ALDH1A2: variants seen among roughly 807,000 people sequenced by gnomAD.
ALDH1A2 encodes the protein aldehyde dehydrogenase 1 family member A2, also known as retinal dehydrogenase 2.
ALDH1A2 carries 27 observed loss-of-function variants against 60.3 expected under a neutral mutation model. The ratio of observed to expected loss-of-function variants is 0.45; its 90% CI spans 0.33 to 0.62. ALDH1A2 has a LOEUF of 0.62. ALDH1A2 is among the 20% of genes least tolerant of loss of function. ALDH1A2 has a pLI of 0.02. For synonymous variants in ALDH1A2, 289 were observed against 232.4 expected (o/e 1.24, Z -2.21); for missense variants, 581 against 643.8 (o/e 0.90, Z 1.06).
In ALDH1A2 at chr15:57,992,550, C is replaced by A. The variant is rs35326951; in HGVS notation, c.798+155G>T. Among the ~76,000 whole-genome samples the A allele has an allele frequency of 4.7e-3, 720 of 152,288 alleles. 8 individuals are homozygous for A. Among genetic ancestry groups the A allele is most frequent in the African/African-American group, 0.017 (695 of 41,538 alleles). ...CCCTGTGTGCCTTTGCTTTCACATC[C>A]ACCAGTGTTCTATGACACCAATGTT... is the stretch of plus-strand genomic sequence containing the variant. On this transcript the variant is annotated intron_variant, in intron 7 of 12. Coordinates refer to ENST00000249750, the MANE Select transcript of ALDH1A2 (RefSeq NM_003888.4).
intron 7 of ALDH1A2, among the ~76,000 whole-genome samples, chr15:57,987,991 C>T (rs971772308): frequency 1.3e-5 from 2 of 151,674 alleles, no homozygotes; most frequent in South Asian, 2.1e-4. Context: ...CGTTAAAGAT[C>T]GTTACAGATA....
At chr15:58,028,183 C>G (rs1896130320) in intron 1 of ALDH1A2, among the ~76,000 whole-genome samples, 1 of 152,176 alleles carries the variant, frequency 6.6e-6, no homozygotes, top group African/African-American at 2.4e-5. Context: ...GGAAGCCCAT[C>G]AGACTAACAG....
chr15:57,966,082 T>C (rs554584984), intron 7 of ALDH1A2, among the ~76,000 whole-genome samples: 1 of 152,206 alleles, frequency 6.6e-6, no homozygotes, highest in Non-Finnish European at 1.5e-5. Context: ...AAATCTGGAA[T>C]CTTAATCACT....
At chr15:57,963,761 T>TGGTGGAGAATA in intron 9 of ALDH1A2, 124 bp downstream of exon 9, 1 of 950,996 alleles carries the variant, frequency 1.1e-6, no homozygotes, top group Non-Finnish European at 1.6e-6. Flanking sequence ...CACGAAGACA[T>TGGTGGAGAATA]GGTGGAGAAT....
At chr15:57,994,616 G>A (rs1053907603) in intron 5 of ALDH1A2, among the ~76,000 whole-genome samples, 19 of 152,122 alleles carry the variant, frequency 1.2e-4, no homozygotes, top group Non-Finnish European at 2.2e-4. Flanking sequence ...TGACTGTGAC[G>A]TTAACTGTAG....
chr15:58,040,368 CAGAT>C (rs1896486546), intron 1 of ALDH1A2, among the ~76,000 whole-genome samples: 2 of 152,030 alleles, frequency 1.3e-5, no homozygotes, highest in South Asian at 4.1e-4. Flanking sequence ...AACCTGCAGA[CAGAT>C]AATCTAGGGA....
At chr15:58,055,499 C>G (rs1219925289) in intron 1 of ALDH1A2, among the ~76,000 whole-genome samples, 1 of 151,564 alleles carries the variant, frequency 6.6e-6, no homozygotes, top group African/African-American at 2.4e-5. Flanking sequence ...AAATATAATA[C>G]CATGCAAAAA....
intron 1 of ALDH1A2, among the ~76,000 whole-genome samples, chr15:58,015,246 C>T (rs554413767): frequency 2.6e-5 from 4 of 152,162 alleles, no homozygotes; most frequent in South Asian, 2.1e-4. Context: ...TTAGTGCCTG[C>T]CATTTAAAAA....
chr15:58,005,428 G>T (rs1257859677), intron 4 of ALDH1A2, among the ~76,000 whole-genome samples: 4 of 151,890 alleles, frequency 2.6e-5, no homozygotes. Context: ...CTGAAACATA[G>T]CAGATGCTAA....
At chr15:58,003,381 T>A (rs1358163806) in intron 4 of ALDH1A2, among the ~76,000 whole-genome samples, 2 of 151,912 alleles carry the variant, frequency 1.3e-5, no homozygotes, top group Non-Finnish European at 2.9e-5. Flanking sequence ...CAGATCAAGC[T>A]GATTCAAGGC....
chr15:58,025,278 A>G (rs1358727931), intron 1 of ALDH1A2, among the ~76,000 whole-genome samples: 5 of 152,214 alleles, frequency 3.3e-5, no homozygotes, highest in African/African-American at 1.2e-4. Flanking sequence ...CAAAATCGAT[A>G]AACTGCTACC....
chr15:58,045,174 C>T (rs1363432578), intron 1 of ALDH1A2, among the ~76,000 whole-genome samples: 2 of 152,016 alleles, frequency 1.3e-5, no homozygotes, highest in African/African-American at 2.4e-5. Context: ...TAGAGAAATG[C>T]AAATCAAAGC....
intron 1 of ALDH1A2, among the ~76,000 whole-genome samples, chr15:58,050,570 G>C (rs1203381159): frequency 6.6e-6 from 1 of 152,112 alleles, no homozygotes; most frequent in Non-Finnish European, 1.5e-5. Flanking sequence ...TCCAAGAATG[G>C]TAAGTGAAAA....
chr15:58,021,151 T>C (rs1566951377), intron 1 of ALDH1A2, among the ~76,000 whole-genome samples: 2 of 152,220 alleles, frequency 1.3e-5, no homozygotes, highest in African/African-American at 4.8e-5. Context: ...AAGTGACATA[T>C]GGTTAGATTT....
intron 1 of ALDH1A2, among the ~76,000 whole-genome samples, chr15:58,039,605 T>C (rs891483281): frequency 2.0e-5 from 3 of 151,850 alleles, no homozygotes; most frequent in Admixed American, 6.6e-5. Context: ...AGTAACTGAT[T>C]AACCACTAGA....
chr15:58,061,024 A>G (rs1283342074), intron 1 of ALDH1A2, among the ~76,000 whole-genome samples: 1 of 152,182 alleles, frequency 6.6e-6, no homozygotes, highest in East Asian at 1.9e-4. Context: ...AGACCTCACA[A>G]AACAGTCTCC....
chr15:57,961,396 C>A (rs1280537190), intron 10 of ALDH1A2, 102 bp from the exon 11 acceptor site: 1 of 1,389,276 alleles, frequency 7.2e-7, no homozygotes, highest in Non-Finnish European at 1.0e-6. Flanking sequence ...CTTAAATGAC[C>A]TTTAAGTTTA....
chr15:57,994,943 T>G (rs1166558287), intron 5 of ALDH1A2, 135 bp downstream of exon 5: 4 of 843,964 alleles, frequency 4.7e-6, no homozygotes, highest in Non-Finnish European at 6.2e-6. Context: ...CTGTTAAAGA[T>G]ATGTCAACAA....
chr15:57,957,247 G>C (rs933348793), intron 12 of ALDH1A2, among the ~76,000 whole-genome samples: 11 of 152,264 alleles, frequency 7.2e-5, no homozygotes, highest in Non-Finnish European at 1.2e-4. Context: ...TTGGTGCCCA[G>C]TCATCTCTCC....
Sources: allele counts gnomAD v4.1 joint callset (sites outside exome capture counted in the v4.1 genomes callset), GRCh38; gene constraint gnomAD v4.1.1; transcripts MANE v1.5; gene names NCBI Gene and HGNC (gene_info 2026-07-23, HGNC 2026-07-21).